TNFRSF1B: variants seen among roughly 807,000 people sequenced by gnomAD.
TNFRSF1B encodes tumor necrosis factor receptor superfamily member 1B.
A neutral mutation model predicts 44.6 loss-of-function variants in TNFRSF1B; 19 were observed. The ratio of observed to expected loss-of-function variants is 0.43; its 90% CI spans 0.30 to 0.62. The LOEUF is 0.62. Among genes scored for constraint, TNFRSF1B ranks in the 20% least tolerant of loss-of-function variants. The pLI is 0.16. For missense variants in TNFRSF1B, 541 were observed against 619.9 expected, an observed-to-expected ratio of 0.87 and a Z score of 1.35; for synonymous variants, 252 against 261.1, an observed-to-expected ratio of 0.97 and a Z score of 0.34.
At chr1:12,190,817 T>G in intron 2 of TNFRSF1B, 140 bp from the exon 3 acceptor site, 4 of 967,018 alleles carry the variant, frequency 4.1e-6, no homozygotes, top group South Asian at 1.8e-5. Flanking sequence ...AGATGGGAGA[T>G]GATTCTGAGG....
chr1:12,202,255 A>C, intron 9 of TNFRSF1B, 84 bp downstream of exon 9: 1 of 1,503,780 alleles, frequency 6.6e-7, no homozygotes, highest in Non-Finnish European at 8.9e-7. Context: ...TCTCCTCCTG[A>C]GCCTCCCCGC....
At chr1:12,194,513 A>G in intron 7 of TNFRSF1B, 71 bp from the exon 8 acceptor site, 1 of 1,592,688 alleles carries the variant, frequency 6.3e-7, no homozygotes, top group Admixed American at 1.7e-5. Context: ...GGGGCCCCAT[A>G]CTGCCCTCCT....
rs1638777252 is a variant in TNFRSF1B, at chr1:12,180,617, G to T, written c.79-8179G>T. ...AGGGCTCCAGCAGAGTCCTAGTCTT[G>T]AGCGAATCTTATACCTGCAGCCCTG... On this transcript the variant is annotated intron_variant, in intron 1 of 9. Transcript: ENST00000376259. The surrounding 1 kb of genome is among the most constrained non-coding windows in gnomAD (Gnocchi z 4.3). 6.6e-6 allele frequency among the ~76,000 whole-genome samples: 1 copy of T among 152,192 alleles called. No homozygotes were observed.
At position 12,191,891 on chromosome 1, in the gene TNFRSF1B, AGTGCCGCCCG is replaced by A; in HGVS notation, c.427_436del (p.Cys143AlafsTer119). On this transcript the variant is annotated frameshift_variant, in exon 4 of 10. Transcript: ENST00000376259. LOFTEE classifies it high-confidence loss of function. Reference sequence around the variant, plus strand: ...TGCCGGCTGTGCGCGCCGCTGCGCAAGTGCCGCCCGGGCTTCGGCGTGGCCAGACCAGGTA... The same window carrying A: ...TGCCGGCTGTGCGCGCCGCTGCGCAAGGCTTCGGCGTGGCCAGACCAGGTA... 3 of 1,610,016 alleles carry A rather than the reference AGTGCCGCCCG, an allele frequency of 1.9e-6. No individual in the cohort carries two copies. The highest frequency in any genetic ancestry group is 2.5e-6 in the Non-Finnish European group (3 of 1,178,706).
At chr1:12,185,013 C>T (rs1638949759) in intron 1 of TNFRSF1B, among the ~76,000 whole-genome samples, 5 of 152,188 alleles carry the variant, frequency 3.3e-5, no homozygotes, top group Admixed American at 3.3e-4. Context: ...AGGCACAGCC[C>T]CTGCCCTTGG....
At chr1:12,201,871 A>C (rs1418299788) in intron 8 of TNFRSF1B, 96 bp from the exon 9 acceptor site, 1 of 1,456,776 alleles carries the variant, frequency 6.9e-7, no homozygotes, top group African/African-American at 1.4e-5. Context: ...AGAAGTGCTG[A>C]TGGCAGGAGG....
chr1:12,181,544 A>G (rs905487243), intron 1 of TNFRSF1B, among the ~76,000 whole-genome samples: 1 of 151,814 alleles, frequency 6.6e-6, no homozygotes, highest in Non-Finnish European at 1.5e-5. Flanking sequence ...CACTACCCTG[A>G]CCTCCTGGCG....
At chr1:12,173,725 G>A (rs796315331) in intron 1 of TNFRSF1B, among the ~76,000 whole-genome samples, 8 of 152,312 alleles carry the variant, frequency 5.3e-5, no homozygotes, top group African/African-American at 1.2e-4. Context: ...GCTCTGACCC[G>A]GTTCTGAGTC....
At chr1:12,192,716 G>C in intron 5 of TNFRSF1B, 147 bp from the exon 6 acceptor site, 2 of 859,792 alleles carry the variant, frequency 2.3e-6, no homozygotes, top group Non-Finnish European at 3.6e-6. Flanking sequence ...TGCATGGGGA[G>C]GTGGGGGAGG....
chr1:12,190,577 T>C (rs987616104), intron 2 of TNFRSF1B, among the ~76,000 whole-genome samples: 5 of 151,868 alleles, frequency 3.3e-5, no homozygotes, highest in Non-Finnish European at 5.9e-5. Context: ...CTTGATAGGA[T>C]ACCAGGGACT....
In TNFRSF1B at chr1:12,206,214, CCT is replaced by C. The variant is rs1445543921; in HGVS notation, c.1106-525_1106-524del. 3.9e-5 allele frequency among the ~76,000 whole-genome samples: 6 copies of C among 152,026 alleles called. No homozygotes were observed. The East Asian group carries it at 1.2e-3, about 29-fold the overall frequency. The stretch of plus-strand genomic sequence containing the variant: ...ACCAACCCAGGCAACCTGGCGAAAC[CCT>C]GTCTCTACAAAAAATTAGCAGGGTG... On this transcript the variant is annotated intron_variant, in intron 9 of 9. Coordinates refer to ENST00000376259, the MANE Select transcript of TNFRSF1B (RefSeq NM_001066.3).
Position 12,206,846 on chromosome 1 carries a change from A to C in TNFRSF1B, c.1212A>C (p.Thr404=). 6.2e-7 allele frequency: 1 copy of C among 1,614,136 alleles called. No homozygotes were observed. Among genetic ancestry groups the C allele is most frequent in the East Asian group, 2.2e-5 (1 of 44,878 alleles). The part of the protein sequence containing the change: ...SSQCSSQASS[T]MGDTDSSPSE... ...AGTGCTCCTCCCAAGCCAGCTCCAC[A>C]ATGGGAGACACAGATTCCAGCCCCT... Residue 404 remains threonine, a synonymous_variant, in exon 10 of 10, where the codon ACA becomes ACC. Transcript: ENST00000376259.
In TNFRSF1B at chr1:12,193,991, T is replaced by C; in HGVS notation, c.824T>C (p.Ile275Thr). 1.9e-6 allele frequency: 3 copies of C among 1,614,106 alleles called. No individual in the cohort carries two copies. Among genetic ancestry groups the C allele is most frequent in the Non-Finnish European group, 2.5e-6 (3 of 1,179,980 alleles). Residue 275 changes from isoleucine to threonine, a missense_variant, in exon 7 of 10, where the codon ATA becomes ACA. Ile to Thr is a moderately conservative substitution (Grantham distance 89). Coordinates refer to ENST00000376259, the MANE Select transcript of TNFRSF1B (RefSeq NM_001066.3). ...GGTGTGACAGCCTTGGGTCTACTAA[T>C]AATAGGAGTGGTGAACTGTGTCATC... ...IVGVTALGLL[I>T]IGVVNCVIMT...
At chr1:12,195,243 A>G (rs1236322326) in intron 8 of TNFRSF1B, among the ~76,000 whole-genome samples, 3 of 152,220 alleles carry the variant, frequency 2.0e-5, no homozygotes, top group East Asian at 3.8e-4. Context: ...GTGTCATATC[A>G]TAGTATTTCA....
intron 4 of TNFRSF1B, 124 bp from the exon 5 acceptor site, chr1:12,192,304 GTGT>G: frequency 1.4e-6 from 1 of 733,174 alleles, no homozygotes; most frequent in Non-Finnish European, 2.4e-6. Flanking sequence ...GTGTGTGTGT[GTGT>G]AAGGGGTGGA....
At chr1:12,190,492 G>T (rs1305723158) in intron 2 of TNFRSF1B, among the ~76,000 whole-genome samples, 1 of 146,162 alleles carries the variant, frequency 6.8e-6, no homozygotes, top group African/African-American at 2.5e-5. Flanking sequence ...CAGCTACTGA[G>T]TCAACTTTTT....
chr1:12,178,582 G>A lies in TNFRSF1B; in HGVS notation c.79-10214G>A, dbSNP rs188455054. 1.3e-5 allele frequency among the ~76,000 whole-genome samples: 2 copies of A among 152,124 alleles called. No individual in the cohort carries two copies. Among genetic ancestry groups the A allele is most frequent in the Non-Finnish European group, 2.9e-5 (2 of 68,010 alleles). On this transcript the variant is annotated intron_variant, in intron 1 of 9. Coordinates refer to ENST00000376259, the MANE Select transcript of TNFRSF1B (RefSeq NM_001066.3). The surrounding 1 kb of genome is among the most constrained non-coding windows in gnomAD (Gnocchi z 4.3). The stretch of plus-strand genomic sequence containing the variant: ...GTGTGGGCAGTATAGAGATGCACCC[G>A]GGTTGTCACAGGAGCCCCTAGGAGG...
chr1:12,168,202 C>G lies in TNFRSF1B; in HGVS notation c.78+1033C>G, dbSNP rs1190375669. On this transcript the variant is annotated intron_variant, in intron 1 of 9. Coordinates refer to ENST00000376259, the MANE Select transcript of TNFRSF1B (RefSeq NM_001066.3). This position sits in a 1 kb window ranked among gnomAD's most constrained non-coding sequence, Gnocchi z 4.7. ...GGGAAGGTGGGCGTTCATCCTTCCTCAGAGCCGCCCCTGATGGACACATGG... is the reference window on the plus strand; with the variant it reads ...GGGAAGGTGGGCGTTCATCCTTCCTGAGAGCCGCCCCTGATGGACACATGG... Among the ~76,000 whole-genome samples the G allele has an allele frequency of 6.6e-6, 1 of 152,236 alleles. No individual in the cohort carries two copies.
chr1:12,192,362 T>C, intron 4 of TNFRSF1B, 69 bp from the exon 5 acceptor site: 1 of 1,481,874 alleles, frequency 6.7e-7, no homozygotes, highest in Non-Finnish European at 9.4e-7. Context: ...CTCCTAGGGC[T>C]CTAGTGCCAA....
Sources: gnomAD v4.1 joint callset for allele counts (sites outside exome capture counted in the v4.1 genomes callset) on GRCh38, gnomAD v4.1.1 for gene constraint, Gnocchi (gnomAD v3.1) non-coding constraint, MANE v1.5 for transcripts, NCBI Gene and HGNC (gene_info 2026-07-23, HGNC 2026-07-21) for gene names.